Variants in SUPT3H observed in about 807,000 individuals in gnomAD.
The protein encoded by SUPT3H is transcription initiation protein SPT3 homolog.
In SUPT3H, 44 loss-of-function variants were observed where a neutral mutation model predicts 44.3. That is an observed-to-expected ratio of 0.99 (90% CI 0.78 to 1.28). The LOEUF is 1.28. Ranked by LOEUF, SUPT3H falls within the 50% of genes most tolerant of loss-of-function variation. The pLI is 0.00. For missense variants in SUPT3H, 380 were observed against 387.1 expected (o/e 0.98, Z 0.15); for synonymous variants, 124 against 125.6 (o/e 0.99, Z 0.09).
At chr6:45,371,700 G>C (rs1280006290) in intron 1 of SUPT3H, among the ~76,000 whole-genome samples, 1 of 152,136 alleles carries the variant, frequency 6.6e-6, no homozygotes, top group Admixed American at 6.5e-5. Flanking sequence ...AAGTTATCTT[G>C]GAGACTGATG....
rs370545741 is a variant in SUPT3H at position 44,932,767 on chromosome 6, C to T, written c.802-4G>A. ...CAACACCACAGGCTGCAGTGCTCTG[C>T]GACAGAAAAACACATAAATTGTTAC... On this transcript the variant is annotated splice_polypyrimidine_tract_variant and splice_region_variant and intron_variant, in intron 9 of 10. Coordinates refer to ENST00000371459, the MANE Select transcript of SUPT3H (RefSeq NM_003599.4). 5.7e-6 allele frequency: 9 copies of T among 1,584,666 alleles called. No individual in the cohort carries two copies. Among genetic ancestry groups the T allele is most frequent in the African/African-American group, 1.4e-5 (1 of 73,110 alleles).
chr6:45,065,277 A>C (rs1228902526), intron 3 of SUPT3H, among the ~76,000 whole-genome samples: 5 of 144,966 alleles, frequency 3.4e-5, no homozygotes, highest in South Asian at 4.9e-4. Flanking sequence ...ACAAAGACAC[A>C]ACATACCAGA....
At chr6:44,994,840 A>G (rs1438237729) in intron 6 of SUPT3H, among the ~76,000 whole-genome samples, 1 of 152,128 alleles carries the variant, frequency 6.6e-6, no homozygotes, top group East Asian at 1.9e-4. Flanking sequence ...GAACTTCAAT[A>G]TCAAACCTTG....
chr6:44,877,641 A>C (rs1777527070), intron 10 of SUPT3H, among the ~76,000 whole-genome samples: 2 of 152,192 alleles, frequency 1.3e-5, no homozygotes, highest in South Asian at 4.1e-4. Flanking sequence ...GGGTAGGAAC[A>C]GTTTATGTGT....
chr6:45,142,435 C>T (rs957497230), intron 2 of SUPT3H, among the ~76,000 whole-genome samples: 2 of 151,966 alleles, frequency 1.3e-5, no homozygotes, highest in African/African-American at 4.8e-5. Context: ...CCTAAATGCT[C>T]CACTTAAAAT....
intron 2 of SUPT3H, among the ~76,000 whole-genome samples, chr6:45,246,770 CAT>C (rs1249655014): frequency 7.2e-5 from 11 of 152,080 alleles, no homozygotes; most frequent in Admixed American, 5.2e-4. Context: ...GGGATTTACA[CAT>C]ATTTTTAACT....
chr6:45,056,086 C>A (rs1377706732), intron 3 of SUPT3H, among the ~76,000 whole-genome samples: 1 of 152,092 alleles, frequency 6.6e-6, no homozygotes, highest in Non-Finnish European at 1.5e-5. Flanking sequence ...TGTTCAACAT[C>A]ACTAATGATC....
rs1178061858 is a variant in SUPT3H, at chr6:44,879,103, G to A, written c.913-49246C>T. Among the ~76,000 whole-genome samples, 4 of 152,178 alleles carry A rather than the reference G, an allele frequency of 2.6e-5. No homozygotes were observed. In the South Asian group the frequency reaches 8.3e-4, roughly 32 times the overall value. ...CATTCACTGCCCTGGAAAGGGGGCT[G>A]AAGCCAGGGAGCCAAGTGGTCTAGC... On this transcript the variant is annotated intron_variant, in intron 10 of 10. Transcript: ENST00000371459.
At chr6:45,159,654 TA>T (rs2153600507) in intron 2 of SUPT3H, 1 of 152,334 alleles carries the variant, frequency 6.6e-6, no homozygotes, top group South Asian at 2.1e-4. Flanking sequence ...TACACAACTC[TA>T]TCATAAATTT....
At chr6:45,115,941 T>G (rs1800778912) in intron 2 of SUPT3H, among the ~76,000 whole-genome samples, 1 of 152,024 alleles carries the variant, frequency 6.6e-6, no homozygotes, top group Non-Finnish European at 1.5e-5. Context: ...CACCCTTGAG[T>G]GCCAACCAAT....
intron 2 of SUPT3H, among the ~76,000 whole-genome samples, chr6:45,248,036 A>T (rs1234768422): frequency 6.6e-6 from 1 of 152,194 alleles, no homozygotes; most frequent in Non-Finnish European, 1.5e-5. Context: ...AGAAAAAATG[A>T]ATATTGACCC....
rs151165989 is a variant in SUPT3H at position 45,225,115 on chromosome 6, T to C, written c.102-119109A>G. ...CCAACATGGTGAAATCTCATCTCTA[T>C]TAAAAATACAAAAATTAGCCGGGTG... is the stretch of plus-strand genomic sequence containing the variant. On this transcript the variant is annotated intron_variant, in intron 2 of 10. Transcript: ENST00000371459. Among the ~76,000 whole-genome samples, 5 of 151,342 alleles carry C rather than the reference T, an allele frequency of 3.3e-5. No homozygotes were observed. In the East Asian group the frequency reaches 7.9e-4, roughly 24 times the overall value.
intron 3 of SUPT3H, among the ~76,000 whole-genome samples, chr6:45,023,965 T>G (rs561133907): frequency 6.0e-4 from 92 of 152,216 alleles, no homozygotes; most frequent in Middle Eastern, 6.8e-3. Flanking sequence ...GCAGTCCAAT[T>G]CCACAGGCAT....
intron 2 of SUPT3H, among the ~76,000 whole-genome samples, chr6:45,151,952 A>G (rs1025818758): frequency 6.6e-6 from 1 of 152,076 alleles, no homozygotes; most frequent in Admixed American, 6.6e-5. Context: ...TGTTCTTGTA[A>G]CATTAACTTG....
intron 10 of SUPT3H, among the ~76,000 whole-genome samples, chr6:44,856,558 G>T (rs1443736192): frequency 6.6e-6 from 1 of 152,106 alleles, no homozygotes; most frequent in Non-Finnish European, 1.5e-5. Context: ...TGCTGCACTG[G>T]TTTTTTCTAT....
intron 10 of SUPT3H, among the ~76,000 whole-genome samples, chr6:44,847,159 T>A (rs1772015140): frequency 1.3e-5 from 2 of 152,184 alleles, no homozygotes; most frequent in Non-Finnish European, 2.9e-5. Context: ...AGACTAATAT[T>A]TTTTTTCTTG....
chr6:44,909,045 A>G (rs978475510), intron 10 of SUPT3H, among the ~76,000 whole-genome samples: 2 of 152,130 alleles, frequency 1.3e-5, no homozygotes, highest in African/African-American at 4.8e-5. Flanking sequence ...GTATACACAT[A>G]TAGCTATAAA....
chr6:45,330,287 T>C (rs1476979823), intron 2 of SUPT3H, among the ~76,000 whole-genome samples: 1 of 151,938 alleles, frequency 6.6e-6, no homozygotes, highest in Non-Finnish European at 1.5e-5. Flanking sequence ...TAAACACAGC[T>C]AGACTACATT....
chr6:44,946,260 C>A (rs1478628696), intron 9 of SUPT3H, among the ~76,000 whole-genome samples: 1 of 152,176 alleles, frequency 6.6e-6, no homozygotes, highest in Non-Finnish European at 1.5e-5. Flanking sequence ...TGAACACTGT[C>A]TTCACAATAG....
Sources: gnomAD v4.1 joint callset for allele counts (sites outside exome capture counted in the v4.1 genomes callset) on GRCh38, gnomAD v4.1.1 for gene constraint, MANE v1.5 for transcripts, NCBI Gene and HGNC (gene_info 2026-07-23, HGNC 2026-07-21) for gene names.